The following RASAL2 variants were observed in gnomAD, a reference collection of about 807,000 sequenced individuals.
RASAL2 encodes ras GTPase-activating protein nGAP.
A neutral mutation model predicts 128.9 loss-of-function variants in RASAL2; 58 were observed. That is an observed-to-expected ratio of 0.45 (90% CI 0.36 to 0.56). The LOEUF (loss-of-function observed/expected upper bound fraction) is 0.56. Among genes scored for constraint, RASAL2 ranks in the 20% least tolerant of loss-of-function variants. RASAL2 has a pLI of 0.00. For missense variants in RASAL2, 1,360 were observed against 1,601.6 expected, an observed-to-expected ratio of 0.85 and a Z score of 2.57; for synonymous variants, 561 against 580.8, an observed-to-expected ratio of 0.97 and a Z score of 0.49.
At chr1:178,268,361 G>A (rs1304893085) in intron 1 of RASAL2, among the ~76,000 whole-genome samples, 1 of 152,022 alleles carries the variant, frequency 6.6e-6, no homozygotes, top group Non-Finnish European at 1.5e-5. Flanking sequence ...CCAGCTACTT[G>A]GGAGGCTGAG....
intron 2 of RASAL2, among the ~76,000 whole-genome samples, chr1:178,287,509 G>A (rs1014721577): frequency 1.3e-5 from 2 of 151,726 alleles, no homozygotes; most frequent in African/African-American, 2.4e-5. Context: ...AAAATAAGTC[G>A]TTATATAACA....
chr1:178,291,727 C>T (rs552387758), intron 2 of RASAL2, among the ~76,000 whole-genome samples: 2 of 152,206 alleles, frequency 1.3e-5, no homozygotes, highest in South Asian at 4.2e-4. Context: ...CTACCTTTCA[C>T]CCACACTTAA....
rs1247622796 is a variant in RASAL2, at chr1:178,167,372, G to A, written c.202+72678G>A. ...GTTGATATCTGTAGTATACAAGATA[G>A]AAATAGTTTCAAATATAAAGCTGTG... On this transcript the variant is annotated intron_variant, in intron 1 of 17. Coordinates refer to ENST00000367649, the MANE Select transcript of RASAL2 (RefSeq NM_170692.4). 2.0e-5 allele frequency among the ~76,000 whole-genome samples: 3 copies of A among 152,084 alleles called. No individual in the cohort carries two copies. The East Asian group carries it at 5.8e-4, about 29-fold the overall frequency.
intron 3 of RASAL2, among the ~76,000 whole-genome samples, chr1:178,352,445 C>T (rs895543672): frequency 6.6e-6 from 1 of 152,200 alleles, no homozygotes; most frequent in Admixed American, 6.5e-5. Flanking sequence ...GAGAGGTGGG[C>T]TCCCAAGGCC....
At chr1:178,308,165 C>T (rs557002444) in intron 3 of RASAL2, among the ~76,000 whole-genome samples, 23 of 152,144 alleles carry the variant, frequency 1.5e-4, no homozygotes, top group Non-Finnish European at 2.6e-4. Flanking sequence ...TCCTCAAAAA[C>T]CTATAAACAT....
chr1:178,164,865 G>GTGTA (rs1553255595), intron 1 of RASAL2, among the ~76,000 whole-genome samples: 1 of 144,940 alleles, frequency 6.9e-6, no homozygotes, highest in African/African-American at 2.6e-5. Flanking sequence ...GTGTGTGTGT[G>GTGTA]TATACAGTGG....
chr1:178,194,341 C>G (rs1261551931), intron 1 of RASAL2: 1 of 225,616 alleles, frequency 4.4e-6, no homozygotes, highest in African/African-American at 2.3e-5. Flanking sequence ...ACTGCCTTCA[C>G]TTAAACTCTC....
At chr1:178,305,647 A>T (rs1209096852) in intron 3 of RASAL2, among the ~76,000 whole-genome samples, 2 of 152,202 alleles carry the variant, frequency 1.3e-5, no homozygotes, top group Non-Finnish European at 2.9e-5. Context: ...GTGATTGACC[A>T]GCAGCTCAAT....
At chr1:178,196,423 A>G (rs1662662881) in intron 1 of RASAL2, among the ~76,000 whole-genome samples, 1 of 152,178 alleles carries the variant, frequency 6.6e-6, no homozygotes. Flanking sequence ...AAATAAATGT[A>G]ATCAGCCTTC....
At chr1:178,253,302 A>G (rs1025131677) in intron 1 of RASAL2, among the ~76,000 whole-genome samples, 7 of 152,180 alleles carry the variant, frequency 4.6e-5, no homozygotes, top group African/African-American at 1.7e-4. Flanking sequence ...GTACTCCAAT[A>G]TGACTTTACC....
chr1:178,456,720 G>T lies in RASAL2; in HGVS notation c.2212-1G>T. 1 of 1,614,030 alleles carries T rather than the reference G, an allele frequency of 6.2e-7. No individual in the cohort carries two copies. On this transcript the variant is annotated splice_acceptor_variant, in intron 12 of 17. Transcript: ENST00000367649. LOFTEE classifies it high-confidence loss of function. ...ATTAGGGTGAAAATTCCTTCCTACAGGCGACCGTGGCAAAATTGGGGCCTC... is the reference window on the plus strand; with the variant it reads ...ATTAGGGTGAAAATTCCTTCCTACATGCGACCGTGGCAAAATTGGGGCCTC...
intron 1 of RASAL2, among the ~76,000 whole-genome samples, chr1:178,105,529 G>A (rs1197024865): frequency 1.3e-5 from 2 of 152,104 alleles, no homozygotes; most frequent in Non-Finnish European, 2.9e-5. Context: ...TTTAATTCGG[G>A]CAGGATAGAA....
intron 3 of RASAL2, among the ~76,000 whole-genome samples, chr1:178,330,724 G>A (rs549387772): frequency 2.2e-4 from 34 of 152,204 alleles, no homozygotes; most frequent in Admixed American, 3.9e-4. Context: ...GTATAAAGAG[G>A]TAAGGTTTTT....
intron 1 of RASAL2, among the ~76,000 whole-genome samples, chr1:178,279,030 A>G (rs1016905155): frequency 6.6e-6 from 1 of 152,222 alleles, no homozygotes; most frequent in African/African-American, 2.4e-5. Flanking sequence ...TAGCATTTGA[A>G]GGAGCCCAAA....
At chr1:178,441,878 T>C (rs900220783) in intron 7 of RASAL2, among the ~76,000 whole-genome samples, 1 of 152,096 alleles carries the variant, frequency 6.6e-6, no homozygotes, top group Non-Finnish European at 1.5e-5. Flanking sequence ...CTGCAGGCTT[T>C]ACAGGAAGCA....
At chr1:178,220,889 G>T (rs1279632051) in intron 1 of RASAL2, among the ~76,000 whole-genome samples, 1 of 152,214 alleles carries the variant, frequency 6.6e-6, no homozygotes, top group East Asian at 1.9e-4. Context: ...ACATTCATGT[G>T]GAGGTTTTTG....
chr1:178,461,044 C>T (rs1449495813), intron 14 of RASAL2, among the ~76,000 whole-genome samples: 1 of 152,066 alleles, frequency 6.6e-6, no homozygotes, highest in Non-Finnish European at 1.5e-5. Context: ...GAACTCCTGA[C>T]CTCAAGTGAT....
intron 1 of RASAL2, among the ~76,000 whole-genome samples, chr1:178,202,471 C>A (rs560225285): frequency 2.0e-5 from 3 of 152,222 alleles, no homozygotes; most frequent in Non-Finnish European, 4.4e-5. Flanking sequence ...TCTAGGACAT[C>A]CCTGGAGGAT....
At position 178,152,552 on chromosome 1, in the gene RASAL2, C is replaced by T. The variant is rs545260153; in HGVS notation, c.202+57858C>T. ...TGGTGGCGGGCACCTGTAGTCCCAG[C>T]TACTCGGGAGGCTGAGGCAGGAGAA... On this transcript the variant is annotated intron_variant, in intron 1 of 17. Coordinates refer to ENST00000367649, the MANE Select transcript of RASAL2 (RefSeq NM_170692.4). Among the ~76,000 whole-genome samples the T allele has an allele frequency of 1.2e-3, 183 of 152,218 alleles. 1 individual carries two copies. Among genetic ancestry groups the T allele is most frequent in the African/African-American group, 4.4e-3 (182 of 41,558 alleles).
Sources: allele counts gnomAD v4.1 joint callset (sites outside exome capture counted in the v4.1 genomes callset), GRCh38; gene constraint gnomAD v4.1.1; transcripts MANE v1.5; gene names NCBI Gene and HGNC (gene_info 2026-07-23, HGNC 2026-07-21).